ZBTB20: variants seen among roughly 807,000 people sequenced by gnomAD.
ZBTB20 encodes zinc finger and BTB domain containing 20.
Under a neutral mutation model 56.9 loss-of-function variants are expected in ZBTB20, and 9 were observed. That is an observed-to-expected ratio of 0.16 (90% CI 0.10 to 0.28). ZBTB20 has a LOEUF of 0.28. Among genes scored for constraint, ZBTB20 ranks in the 10% least tolerant of loss-of-function variants. ZBTB20 has a pLI of 1.00. For synonymous variants in ZBTB20, 417 were observed against 420.7 expected (o/e 0.99, Z 0.11); for missense variants, 655 against 1,003.0 (o/e 0.65, Z 4.69).
chr3:114,659,697 A>G (rs2060612336), intron 6 of ZBTB20, among the ~76,000 whole-genome samples: 1 of 152,188 alleles, frequency 6.6e-6, no homozygotes, highest in Non-Finnish European at 1.5e-5. Flanking sequence ...TGGCGGTTTG[A>G]AAACGAAGGC....
intron 7 of ZBTB20, among the ~76,000 whole-genome samples, chr3:114,500,041 T>G (rs2109647920): frequency 6.6e-6 from 1 of 152,342 alleles, no homozygotes; most frequent in Middle Eastern, 3.4e-3. Flanking sequence ...CAACTGTTGC[T>G]GGTATTTGGC....
chr3:114,587,157 C>A (rs569751689), intron 6 of ZBTB20, among the ~76,000 whole-genome samples: 1 of 151,816 alleles, frequency 6.6e-6, no homozygotes, highest in African/African-American at 2.4e-5. Context: ...CCACCACACC[C>A]GGCTAATTTT....
At chr3:114,845,365 C>T (rs1021079967) in intron 4 of ZBTB20, among the ~76,000 whole-genome samples, 3 of 146,920 alleles carry the variant, frequency 2.0e-5, no homozygotes, top group African/African-American at 7.6e-5. Flanking sequence ...GAAGTTTGAT[C>T]GATACAAGGA....
At chr3:115,143,459 G>A (rs994231713) in intron 1 of ZBTB20, among the ~76,000 whole-genome samples, 3 of 152,098 alleles carry the variant, frequency 2.0e-5, no homozygotes, top group African/African-American at 4.8e-5. Context: ...CTTGAGCCCA[G>A]GAGTTAAAGT....
chr3:115,067,417 C>T (rs1043820359), intron 2 of ZBTB20, among the ~76,000 whole-genome samples: 3 of 151,820 alleles, frequency 2.0e-5, no homozygotes, highest in Non-Finnish European at 4.4e-5. Context: ...TATATACACA[C>T]ATTTTTCTGC....
At chr3:114,385,846 G>T (rs1041435414) in intron 8 of ZBTB20, among the ~76,000 whole-genome samples, 1 of 152,098 alleles carries the variant, frequency 6.6e-6, no homozygotes, top group Non-Finnish European at 1.5e-5. Flanking sequence ...GCAGCCTGGA[G>T]CAAGAAAAAA....
At chr3:114,900,243 A>C (rs2075054869) in intron 4 of ZBTB20, 61 bp downstream of exon 4, 1 of 152,166 alleles carries the variant, frequency 6.6e-6, no homozygotes, top group South Asian at 2.1e-4. Context: ...ATACATAAAA[A>C]TATTATAACT....
chr3:114,853,730 T>A (rs1281872015), intron 4 of ZBTB20, among the ~76,000 whole-genome samples: 1 of 152,206 alleles, frequency 6.6e-6, no homozygotes, highest in East Asian at 1.9e-4. Flanking sequence ...CCAGATGAAG[T>A]TATAAATTAA....
At chr3:114,934,888 T>G (rs1319052332) in intron 3 of ZBTB20, among the ~76,000 whole-genome samples, 1 of 152,218 alleles carries the variant, frequency 6.6e-6, no homozygotes, top group Non-Finnish European at 1.5e-5. Context: ...TAAAAAGATT[T>G]TCATAAGTAA....
At chr3:114,664,877 A>G (rs1407076094) in intron 6 of ZBTB20, among the ~76,000 whole-genome samples, 1 of 152,112 alleles carries the variant, frequency 6.6e-6, no homozygotes, top group Non-Finnish European at 1.5e-5. Context: ...CTTAACATCT[A>G]TCAAAATGAC....
intron 10 of ZBTB20, among the ~76,000 whole-genome samples, chr3:114,356,897 T>A (rs1425347687): frequency 6.6e-6 from 1 of 152,152 alleles, no homozygotes; most frequent in African/African-American, 2.4e-5. Context: ...TCTCTTTCTA[T>A]CTCATTAGTA....
At chr3:115,122,804 C>A (rs1250351498) in intron 1 of ZBTB20, among the ~76,000 whole-genome samples, 1 of 152,114 alleles carries the variant, frequency 6.6e-6, no homozygotes, top group East Asian at 1.9e-4. Context: ...ATCTTCATCA[C>A]CTACTGGCAA....
chr3:114,350,626 G>A lies in ZBTB20; in HGVS notation c.1452C>T (p.Thr484=). 1 of 1,614,194 alleles carries A rather than the reference G, an allele frequency of 6.2e-7. No individual in the cohort carries two copies. The highest frequency in any genetic ancestry group is 8.5e-7 in the Non-Finnish European group (1 of 1,180,034). The change falls in exon 11 of 12, where the codon ACC becomes ACT. Residue 484 remains threonine (T), a synonymous_variant. Transcript: ENST00000675478. ...QLYLRQTETL[T]SNLRMPLTLT... Reference sequence around the variant, plus strand: ...AGGTCAGAGGCATCCTCAGGTTGCTGGTGAGGGTTTCTGTCTGGCGTAAGT... The same window carrying A: ...AGGTCAGAGGCATCCTCAGGTTGCTAGTGAGGGTTTCTGTCTGGCGTAAGT...
At chr3:114,652,102 T>G (rs1457912681) in intron 6 of ZBTB20, among the ~76,000 whole-genome samples, 1 of 152,046 alleles carries the variant, frequency 6.6e-6, no homozygotes, top group African/African-American at 2.4e-5. Flanking sequence ...TTTGATAAAT[T>G]TATACACCTA....
At chr3:114,621,745 C>G (rs987644631) in intron 6 of ZBTB20, among the ~76,000 whole-genome samples, 2 of 152,062 alleles carry the variant, frequency 1.3e-5, no homozygotes, top group African/African-American at 4.8e-5. Context: ...ATTAGAATTT[C>G]CAGGTGAGCA....
At chr3:114,898,562 C>T (rs2074981584) in intron 4 of ZBTB20, among the ~76,000 whole-genome samples, 1 of 152,048 alleles carries the variant, frequency 6.6e-6, no homozygotes, top group Non-Finnish European at 1.5e-5. Context: ...GACACAATCC[C>T]TCTATTTCTA....
chr3:115,056,495 C>T (rs1032837234), intron 2 of ZBTB20, among the ~76,000 whole-genome samples: 1 of 152,094 alleles, frequency 6.6e-6, no homozygotes, highest in African/African-American at 2.4e-5. Flanking sequence ...GTCATGGACA[C>T]TGATACACAT....
intron 2 of ZBTB20, among the ~76,000 whole-genome samples, chr3:115,037,715 G>A (rs565167181): frequency 6.6e-6 from 1 of 152,320 alleles, no homozygotes; most frequent in East Asian, 1.9e-4. Context: ...CTGTGAACAA[G>A]TTAGTAGTCT....
At chr3:114,501,023 A>G (rs967631945) in intron 6 of ZBTB20, among the ~76,000 whole-genome samples, 1 of 152,214 alleles carries the variant, frequency 6.6e-6, no homozygotes, top group African/African-American at 2.4e-5. Context: ...TATATTTAGT[A>G]TGTTTAATGT....
Sources: allele counts gnomAD v4.1 joint callset (sites outside exome capture counted in the v4.1 genomes callset), GRCh38; gene constraint gnomAD v4.1.1; transcripts MANE v1.5; gene names NCBI Gene and HGNC (gene_info 2026-07-23, HGNC 2026-07-21).